FRMD3: variants seen among roughly 807,000 people sequenced by gnomAD.
The protein encoded by FRMD3 is FERM domain-containing protein 3.
A neutral mutation model predicts 70.2 loss-of-function variants in FRMD3; 33 were observed. The ratio of observed to expected loss-of-function variants is 0.47; its 90% CI spans 0.36 to 0.63. The LOEUF (loss-of-function observed/expected upper bound fraction) is 0.63. FRMD3 is among the 20% of genes least tolerant of loss of function. The probability of loss-of-function intolerance (pLI) is 0.00; values close to 1 mark genes in which losing one functional copy is unlikely to be tolerated. For missense variants in FRMD3, 632 were observed against 711.4 expected, an observed-to-expected ratio of 0.89 and a Z score of 1.27; for synonymous variants, 279 against 255.9, an observed-to-expected ratio of 1.09 and a Z score of -0.86.
Position 83,347,619 on chromosome 9 carries a change from T to C in FRMD3, c.374+2060A>G, listed in dbSNP as rs1444150327. 4.6e-4 allele frequency among the ~76,000 whole-genome samples: 70 copies of C among 152,258 alleles called. 1 individual carries two copies. The highest frequency in any genetic ancestry group is 4.6e-3 in the Admixed American group (70 of 15,284). On this transcript the variant is annotated intron_variant, in intron 4 of 13. Coordinates refer to ENST00000304195, the MANE Select transcript of FRMD3 (RefSeq NM_174938.6). ...ACTTTTGTGGTTATTTTTATTATTTTGTGATTTTAAATTTGCCTTTTTCTT... is the reference window on the plus strand; with the variant it reads ...ACTTTTGTGGTTATTTTTATTATTTCGTGATTTTAAATTTGCCTTTTTCTT...
chr9:83,584,923 C>T, the FRMD3 span, among the ~76,000 whole-genome samples: 3 of 152,172 alleles, frequency 2.0e-5, no homozygotes, highest in African/African-American at 7.2e-5. Flanking sequence ...GTAAATAAAG[C>T]CTCACAGGGG....
chr9:83,373,606 G>A (rs146884957), intron 2 of FRMD3, among the ~76,000 whole-genome samples: 165 of 152,076 alleles, frequency 1.1e-3, no homozygotes, highest in African/African-American at 3.8e-3. Context: ...TAGGCACCAC[G>A]CTGGTCCCAG....
intron 13 of FRMD3, among the ~76,000 whole-genome samples, chr9:83,270,347 G>T (rs550895699): frequency 7.9e-5 from 12 of 152,192 alleles, no homozygotes; most frequent in Non-Finnish European, 1.6e-4. Context: ...AACTGTTCAT[G>T]AGCCTGAATT....
At chr9:83,303,735 A>C (rs568192741) in intron 10 of FRMD3, among the ~76,000 whole-genome samples, 96 of 152,324 alleles carry the variant, frequency 6.3e-4, no homozygotes, top group African/African-American at 2.2e-3. Context: ...CTTAAATTTC[A>C]CCCTTTTAGA....
chr9:83,310,173 A>G (rs1835297088), intron 9 of FRMD3, among the ~76,000 whole-genome samples: 1 of 152,090 alleles, frequency 6.6e-6, no homozygotes, highest in Non-Finnish European at 1.5e-5. Flanking sequence ...AGTATTCTTT[A>G]TTTGTTTCAC....
chr9:83,585,785 T>G, the FRMD3 span, among the ~76,000 whole-genome samples: 3 of 152,214 alleles, frequency 2.0e-5, no homozygotes, highest in South Asian at 6.2e-4. Context: ...TTCTGATACA[T>G]GCACACAAAT....
chr9:83,457,095 A>G (rs1395382248), intron 1 of FRMD3, among the ~76,000 whole-genome samples: 2 of 152,238 alleles, frequency 1.3e-5, no homozygotes, highest in Non-Finnish European at 2.9e-5. Context: ...ACTATACCAT[A>G]AAGAGGTTTA....
intron 10 of FRMD3, among the ~76,000 whole-genome samples, 182 bp from the exon 11 acceptor site, chr9:83,299,368 T>A (rs1834812309): frequency 6.6e-6 from 1 of 152,236 alleles, no homozygotes; most frequent in Admixed American, 6.5e-5. Flanking sequence ...TTACTTTCAC[T>A]ATGTGTATTG....
At chr9:83,495,031 T>A (rs1391455411) in intron 1 of FRMD3, among the ~76,000 whole-genome samples, 1 of 138,254 alleles carries the variant, frequency 7.2e-6, no homozygotes, top group Non-Finnish European at 1.6e-5. Flanking sequence ...CATATGAACA[T>A]TTTTATGATT....
Position 83,405,490 on chromosome 9 carries a change from A to G in FRMD3, c.148-15782T>C, listed in dbSNP as rs565902083. On this transcript the variant is annotated intron_variant, in intron 1 of 13. Transcript: ENST00000304195. ...TGAAAGTATCCATAGAGCTGGGCAC[A>G]GTGGCTCACACCTGTAATCCCAGCA... Among the ~76,000 whole-genome samples the G allele has an allele frequency of 1.5e-4, 23 of 152,150 alleles. No homozygotes were observed. The South Asian group carries it at 4.8e-3, about 32-fold the overall frequency.
At chr9:83,320,889 A>G (rs1037719959) in intron 6 of FRMD3, among the ~76,000 whole-genome samples, 1 of 152,100 alleles carries the variant, frequency 6.6e-6, no homozygotes, top group African/African-American at 2.4e-5. Context: ...ATTATTGGTC[A>G]GTTCAGAAGT....
intron 1 of FRMD3, among the ~76,000 whole-genome samples, chr9:83,397,807 G>A (rs1825847920): frequency 6.6e-6 from 1 of 152,094 alleles, no homozygotes; most frequent in African/African-American, 2.4e-5. Flanking sequence ...TCTTCTACCT[G>A]GAAGGAAGAA....
intron 10 of FRMD3, among the ~76,000 whole-genome samples, chr9:83,307,832 T>A (rs896487676): frequency 9.9e-5 from 15 of 152,182 alleles, no homozygotes; most frequent in African/African-American, 3.6e-4. Flanking sequence ...TTTAAAAAAT[T>A]TTTTTTAAAA....
intron 1 of FRMD3, chr9:83,467,501 C>A: frequency 1.3e-6 from 1 of 753,188 alleles, no homozygotes; most frequent in South Asian, 1.5e-5. Context: ...ATTTCACATC[C>A]CCTTCTAATT....
chr9:83,298,656 T>C, intron 12 of FRMD3, 92 bp downstream of exon 12: 1 of 937,184 alleles, frequency 1.1e-6, no homozygotes, highest in South Asian at 1.4e-5. Flanking sequence ...CCTTCTTTAA[T>C]GCTGTATGTC....
intron 10 of FRMD3, among the ~76,000 whole-genome samples, chr9:83,303,371 C>T (rs1327971384): frequency 6.6e-6 from 1 of 152,184 alleles, no homozygotes; most frequent in Non-Finnish European, 1.5e-5. Flanking sequence ...CTGCAGGAAC[C>T]AGGCTATAAA....
intron 13 of FRMD3, among the ~76,000 whole-genome samples, chr9:83,277,645 G>A (rs1267298265): frequency 2.0e-5 from 3 of 152,178 alleles, no homozygotes; most frequent in African/African-American, 7.2e-5. Context: ...ATAGGCATGA[G>A]CCACCACACT....
intron 13 of FRMD3, among the ~76,000 whole-genome samples, chr9:83,250,904 G>A (rs1232895515): frequency 6.6e-6 from 1 of 152,234 alleles, no homozygotes; most frequent in East Asian, 1.9e-4. Context: ...CACCATTTCT[G>A]TGGTTTGGTC....
chr9:83,356,271 A>ATTTTTT (rs869149609), intron 3 of FRMD3, among the ~76,000 whole-genome samples: 14 of 94,438 alleles, frequency 1.5e-4, no homozygotes, highest in East Asian at 3.3e-4. Context: ...ACTCAGCAGC[A>ATTTTTT]TTTTTTTTTT....
Sources: gnomAD v4.1 joint callset for allele counts (sites outside exome capture counted in the v4.1 genomes callset) on GRCh38, gnomAD v4.1.1 for gene constraint, MANE v1.5 for transcripts, NCBI Gene and HGNC (gene_info 2026-07-23, HGNC 2026-07-21) for gene names.